The following EPHA7 variants were observed in gnomAD, a reference collection of about 807,000 sequenced individuals.
EPHA7 encodes ephrin type-A receptor 7.
In EPHA7, 25 loss-of-function variants were observed where a neutral mutation model predicts 112.6. The observed-to-expected ratio is 0.22, with a 90% confidence interval of 0.16 to 0.31. The LOEUF is 0.31. Ranked by LOEUF, EPHA7 falls within the 10% of genes least tolerant of loss-of-function variation. The probability of loss-of-function intolerance (pLI) is 1.00; values close to 1 mark genes in which losing one functional copy is unlikely to be tolerated. For synonymous variants in EPHA7, 437 were observed against 406.5 expected (o/e 1.07, Z -0.90); for missense variants, 962 against 1,212.6 (o/e 0.79, Z 3.07).
At position 93,369,918 on chromosome 6, in the gene EPHA7, A is replaced by G. The variant is rs555612523; in HGVS notation, c.833-11507T>C. Among the ~76,000 whole-genome samples, 253 of 152,290 alleles carry G rather than the reference A, an allele frequency of 1.7e-3. 2 individuals are homozygous for G. The highest frequency in any genetic ancestry group is 6.0e-3 in the African/African-American group (249 of 41,570). ...CATAGTCATCAGAGCAATAGGACTG[A>G]TGTGGCACATTCTTAGTAGAGGGGA... On this transcript the variant is annotated intron_variant, in intron 3 of 16. Coordinates refer to ENST00000369303, the MANE Select transcript of EPHA7 (RefSeq NM_004440.4).
At position 93,285,163 on chromosome 6, in the gene EPHA7, T is replaced by G. The variant is rs151155852; in HGVS notation, c.1325-12741A>C. Among the ~76,000 whole-genome samples the G allele has an allele frequency of 6.3e-3, 962 of 152,342 alleles. 11 individuals carry two copies. The highest frequency in any genetic ancestry group is 0.021 in the African/African-American group (887 of 41,582). ...CAAGAATCTGTTACAAACTGAGCAC[T>G]TAAGTTTAATATTTTCTGCTAAATA... On this transcript the variant is annotated intron_variant, in intron 5 of 16. Transcript: ENST00000369303.
chr6:93,291,533 C>T (rs1320489031), intron 5 of EPHA7, among the ~76,000 whole-genome samples: 2 of 151,740 alleles, frequency 1.3e-5, no homozygotes, highest in Admixed American at 1.3e-4. Context: ...CTTTGGGAGG[C>T]CGAGGCGGGC....
chr6:93,254,951 C>G (rs1345831346), intron 13 of EPHA7, among the ~76,000 whole-genome samples, 155 bp from the exon 14 acceptor site: 1 of 152,114 alleles, frequency 6.6e-6, no homozygotes, highest in East Asian at 1.9e-4. Flanking sequence ...AGTTATTTAT[C>G]TGATTTTTAG....
At chr6:93,387,264 C>A (rs537058444) in intron 3 of EPHA7, among the ~76,000 whole-genome samples, 83 of 152,190 alleles carry the variant, frequency 5.5e-4, no homozygotes, top group African/African-American at 2.0e-3. Flanking sequence ...GAGCAAAATG[C>A]CAGCAGTCTC....
At chr6:93,413,513 T>C (rs1779078408) in intron 2 of EPHA7, among the ~76,000 whole-genome samples, 1 of 151,932 alleles carries the variant, frequency 6.6e-6, no homozygotes, top group Non-Finnish European at 1.5e-5. Context: ...TTTCATTTTT[T>C]ATCATGAATG....
intron 16 of EPHA7, among the ~76,000 whole-genome samples, chr6:93,243,865 T>C (rs555328363): frequency 4.6e-5 from 7 of 152,226 alleles, no homozygotes; most frequent in Admixed American, 1.3e-4. Flanking sequence ...ATTTGAAATG[T>C]TGTATTCTTG....
At chr6:93,351,066 A>G (rs934367241) in intron 5 of EPHA7, among the ~76,000 whole-genome samples, 1 of 152,074 alleles carries the variant, frequency 6.6e-6, no homozygotes, top group African/African-American at 2.4e-5. Flanking sequence ...AAAGCACTGA[A>G]GAAATTATTT....
At chr6:93,328,891 A>T (rs1582529987) in intron 5 of EPHA7, among the ~76,000 whole-genome samples, 2 of 151,518 alleles carry the variant, frequency 1.3e-5, no homozygotes, top group Admixed American at 6.6e-5. Context: ...TATGAAAAGT[A>T]CTATTTTCTA....
intron 1 of EPHA7, among the ~76,000 whole-genome samples, chr6:93,418,117 A>T (rs1259403335): frequency 6.7e-6 from 1 of 149,524 alleles, no homozygotes; most frequent in Non-Finnish European, 1.5e-5. Flanking sequence ...TGCTTTTAAC[A>T]GATCGAAAAA....
At chr6:93,283,481 G>A (rs1771881246) in intron 5 of EPHA7, among the ~76,000 whole-genome samples, 1 of 151,938 alleles carries the variant, frequency 6.6e-6, no homozygotes. Flanking sequence ...ACTCTTTTGG[G>A]TCCACATTGC....
At chr6:93,276,247 T>C (rs1771465896) in intron 5 of EPHA7, among the ~76,000 whole-genome samples, 1 of 152,028 alleles carries the variant, frequency 6.6e-6, no homozygotes. Flanking sequence ...AGAGATGCTG[T>C]AGAAGTCAGA....
chr6:93,246,276 T>C (rs866470173), intron 15 of EPHA7, among the ~76,000 whole-genome samples: 3 of 152,180 alleles, frequency 2.0e-5, no homozygotes, highest in African/African-American at 7.2e-5. Context: ...GGTCTCGAAC[T>C]CCTGACCTCG....
At chr6:93,342,089 TGATAATGCAAGTC>T (rs1197731240) in intron 5 of EPHA7, among the ~76,000 whole-genome samples, 1 of 151,788 alleles carries the variant, frequency 6.6e-6, no homozygotes, top group Admixed American at 6.6e-5. Flanking sequence ...AGATAGGGCT[TGATAATGCAAGTC>T]AAATGGGAAT....
chr6:93,306,025 A>T (rs1773239755), intron 5 of EPHA7, among the ~76,000 whole-genome samples: 1 of 151,994 alleles, frequency 6.6e-6, no homozygotes, highest in South Asian at 2.1e-4. Flanking sequence ...AATACTTGTT[A>T]ATATTTTTAC....
At position 93,306,018 on chromosome 6, in the gene EPHA7, A is replaced by G. The variant is rs538613770; in HGVS notation, c.1325-33596T>C. Among the ~76,000 whole-genome samples the G allele has an allele frequency of 2.6e-5, 4 of 152,080 alleles. No homozygotes were observed. The East Asian group carries it at 5.8e-4, about 22-fold the overall frequency. On this transcript the variant is annotated intron_variant, in intron 5 of 16. Coordinates refer to ENST00000369303, the MANE Select transcript of EPHA7 (RefSeq NM_004440.4). ...TTATTTTGGTCTAAAAAGCAGAAAT[A>G]CTTGTTAATATTTTTACATAAAAAA...
Position 93,345,431 on chromosome 6 carries a change from T to C in EPHA7, c.1324+11286A>G, listed in dbSNP as rs181059857. Among the ~76,000 whole-genome samples, 15 of 151,900 alleles carry C rather than the reference T, an allele frequency of 9.9e-5. No homozygotes were observed. The East Asian group carries it at 2.9e-3, about 29-fold the overall frequency. On this transcript the variant is annotated intron_variant, in intron 5 of 16. Coordinates refer to ENST00000369303, the MANE Select transcript of EPHA7 (RefSeq NM_004440.4). ...TTGTGTCTTAAACAAGGCAAGCAGCTACATGACTGTATGTACATCTCTGCC... is the reference window on the plus strand; with the variant it reads ...TTGTGTCTTAAACAAGGCAAGCAGCCACATGACTGTATGTACATCTCTGCC...
chr6:93,361,801 T>A (rs966988963), intron 3 of EPHA7, among the ~76,000 whole-genome samples: 1 of 152,104 alleles, frequency 6.6e-6, no homozygotes, highest in South Asian at 2.1e-4. Context: ...ATCTGTTCAA[T>A]AGCACATGAA....
intron 3 of EPHA7, among the ~76,000 whole-genome samples, chr6:93,390,126 A>G (rs749673792): frequency 5.9e-5 from 9 of 151,858 alleles, no homozygotes; most frequent in Non-Finnish European, 1.0e-4. Flanking sequence ...ACTATATTGT[A>G]TCCCTGCCCC....
chr6:93,282,619 G>A (rs1159856062), intron 5 of EPHA7, among the ~76,000 whole-genome samples: 2 of 152,142 alleles, frequency 1.3e-5, no homozygotes, highest in East Asian at 1.9e-4. Context: ...GCTGGAGCCG[G>A]CTCCTTCAGC....
Sources: gnomAD v4.1 joint callset for allele counts (sites outside exome capture counted in the v4.1 genomes callset) on GRCh38, gnomAD v4.1.1 for gene constraint, MANE v1.5 for transcripts, NCBI Gene and HGNC (gene_info 2026-07-23, HGNC 2026-07-21) for gene names.